The following ZDHHC14 variants were observed in gnomAD, a reference collection of about 807,000 sequenced individuals.
The protein encoded by ZDHHC14 is zDHHC palmitoyltransferase 14.
A neutral mutation model predicts 47.7 loss-of-function variants in ZDHHC14; 16 were observed. That is an observed-to-expected ratio of 0.34 (90% CI 0.23 to 0.51). The LOEUF (loss-of-function observed/expected upper bound fraction) is 0.51, where lower values mean the gene tolerates loss of function less well. ZDHHC14 is among the 20% of genes least tolerant of loss of function. The pLI is 0.97. For missense variants in ZDHHC14, 515 were observed against 662.5 expected, an observed-to-expected ratio of 0.78 and a Z score of 2.44; for synonymous variants, 293 against 278.9, an observed-to-expected ratio of 1.05 and a Z score of -0.50.
intron 1 of ZDHHC14, among the ~76,000 whole-genome samples, chr6:157,412,087 C>A (rs1046923313): frequency 2.0e-5 from 3 of 151,382 alleles, no homozygotes; most frequent in African/African-American, 7.3e-5. Context: ...TACAGGCACC[C>A]ACCACCATGT....
chr6:157,519,565 A>G (rs1298735490), intron 1 of ZDHHC14, among the ~76,000 whole-genome samples: 1 of 152,152 alleles, frequency 6.6e-6, no homozygotes, highest in Non-Finnish European at 1.5e-5. Flanking sequence ...TTGCCTTTCC[A>G]TGGATTCTGG....
chr6:157,502,733 C>T lies in ZDHHC14; in HGVS notation c.246-39852C>T, dbSNP rs1780218513. Among the ~76,000 whole-genome samples the T allele has an allele frequency of 6.6e-6, 1 of 152,160 alleles. No homozygotes were observed. Reference sequence around the variant, plus strand: ...TTAGACAGGGTCTTGCTCTGTCACCCAGGCTGGAGTGCAGTGGCATGATCT... The same window carrying T: ...TTAGACAGGGTCTTGCTCTGTCACCTAGGCTGGAGTGCAGTGGCATGATCT... On this transcript the variant is annotated intron_variant, in intron 1 of 8. Coordinates refer to ENST00000359775, the MANE Select transcript of ZDHHC14 (RefSeq NM_024630.3). This position sits in a 1 kb window ranked among gnomAD's most constrained non-coding sequence, Gnocchi z 4.0.
At chr6:157,607,038 G>A (rs1306342601) in intron 3 of ZDHHC14, among the ~76,000 whole-genome samples, 1 of 90,162 alleles carries the variant, frequency 1.1e-5, no homozygotes, top group East Asian at 4.5e-4. Flanking sequence ...GATCTTACTA[G>A]TTAGCATATT....
intron 1 of ZDHHC14, among the ~76,000 whole-genome samples, chr6:157,477,553 G>A (rs946512607): frequency 1.1e-4 from 17 of 152,064 alleles, no homozygotes; most frequent in Non-Finnish European, 2.4e-4. Context: ...TCTATGTTTT[G>A]TTTTTCTTGG....
At chr6:157,437,161 A>G (rs1211238171) in intron 1 of ZDHHC14, among the ~76,000 whole-genome samples, 1 of 152,192 alleles carries the variant, frequency 6.6e-6, no homozygotes, top group Non-Finnish European at 1.5e-5. Context: ...GGGCTGGAGC[A>G]TGGGCTCTGC....
chr6:157,384,993 G>T (rs966814559), intron 1 of ZDHHC14, among the ~76,000 whole-genome samples: 2 of 152,128 alleles, frequency 1.3e-5, no homozygotes, highest in African/African-American at 4.8e-5. Flanking sequence ...TGTTCCCCAG[G>T]CTGGTCTTGA....
chr6:157,478,704 G>C (rs1779547937), intron 1 of ZDHHC14, among the ~76,000 whole-genome samples: 1 of 152,100 alleles, frequency 6.6e-6, no homozygotes, highest in Non-Finnish European at 1.5e-5. Context: ...TGTATTACTG[G>C]CTCCAAATAT....
intron 3 of ZDHHC14, among the ~76,000 whole-genome samples, chr6:157,595,881 A>G (rs1784108181): frequency 6.6e-6 from 1 of 152,184 alleles, no homozygotes; most frequent in Non-Finnish European, 1.5e-5. Context: ...GTGGTGGTCT[A>G]TGTATGGGAG....
At chr6:157,521,980 T>A (rs1254845275) in intron 1 of ZDHHC14, among the ~76,000 whole-genome samples, 1 of 152,110 alleles carries the variant, frequency 6.6e-6, no homozygotes, top group South Asian at 2.1e-4. Flanking sequence ...CGGTCTCTTA[T>A]CCAAATAAAC....
intron 3 of ZDHHC14, among the ~76,000 whole-genome samples, chr6:157,618,870 C>A (rs1055613123): frequency 2.6e-5 from 4 of 152,160 alleles, no homozygotes; most frequent in African/African-American, 9.7e-5. Flanking sequence ...TTTAAATTAT[C>A]CTCATTTCTA....
intron 3 of ZDHHC14, among the ~76,000 whole-genome samples, chr6:157,599,319 A>G (rs530722474): frequency 1.1e-3 from 166 of 152,344 alleles, no homozygotes; most frequent in African/African-American, 3.7e-3. Flanking sequence ...ATGTTGCAGG[A>G]GGCAAGTACC....
chr6:157,537,844 A>C (rs1436331340), intron 1 of ZDHHC14, among the ~76,000 whole-genome samples: 1 of 152,170 alleles, frequency 6.6e-6, no homozygotes, highest in Non-Finnish European at 1.5e-5. Context: ...TACTGTGCAC[A>C]GTGCTTCCTT....
intron 1 of ZDHHC14, among the ~76,000 whole-genome samples, chr6:157,437,330 T>A (rs1422712344): frequency 6.6e-6 from 1 of 152,250 alleles, no homozygotes; most frequent in South Asian, 2.1e-4. Flanking sequence ...AGGAGGCCAC[T>A]TTCCCTCCAG....
In ZDHHC14 at chr6:157,668,245, C is replaced by T. The variant is rs1387457023; in HGVS notation, c.1069-4479C>T. Among the ~76,000 whole-genome samples the T allele has an allele frequency of 2.0e-5, 3 of 152,130 alleles. No homozygotes were observed. In the East Asian group the frequency reaches 5.8e-4, roughly 29 times the overall value. On this transcript the variant is annotated intron_variant, in intron 8 of 8. Coordinates refer to ENST00000359775, the MANE Select transcript of ZDHHC14 (RefSeq NM_024630.3). ...CAGTCCCTCTATCAGGGGAAACACC[C>T]ATAGCTAGACTTAGATAGACAGTCA...
intron 1 of ZDHHC14, among the ~76,000 whole-genome samples, chr6:157,400,262 T>C (rs1374858427): frequency 4.6e-5 from 7 of 152,242 alleles, no homozygotes; most frequent in Admixed American, 3.9e-4. Flanking sequence ...GTGGTGACCC[T>C]CTCCCTGTGT....
Position 157,677,968 on chromosome 6 carries a change from G to A in ZDHHC14, c.*4846G>A, listed in dbSNP as rs926409315. The stretch of plus-strand genomic sequence containing the variant: ...AAAAAAAAAGCATTTTAAACTCTTA[G>A]TGAATTCAAAGCTCTAAATCCAAAC... On this transcript the variant is annotated 3_prime_UTR_variant, in exon 9 of 9. Transcript: ENST00000359775. The A allele has an allele frequency of 4.7e-5, 7 of 148,100 alleles. No homozygotes were observed. The highest frequency in any genetic ancestry group is 1.0e-4 in the Non-Finnish European group (7 of 67,540). The allele number at this position is 148,100 out of a possible 1,614,324, so 9.2% of individuals were successfully genotyped here.
chr6:157,549,931 G>T (rs1562475686), intron 2 of ZDHHC14, among the ~76,000 whole-genome samples: 1 of 152,198 alleles, frequency 6.6e-6, no homozygotes, highest in East Asian at 1.9e-4. Context: ...TGATTTTGAA[G>T]TTGGCGACAT....
chr6:157,566,907 G>A (rs1182801723), intron 2 of ZDHHC14, among the ~76,000 whole-genome samples: 2 of 149,914 alleles, frequency 1.3e-5, no homozygotes, highest in Admixed American at 6.6e-5. Flanking sequence ...CTGGAGTGCA[G>A]TGGTGTGATT....
rs1173873577 is a variant in ZDHHC14 at position 157,536,992 on chromosome 6, G to A, written c.246-5593G>A. Reference sequence around the variant, plus strand: ...CGCCACTACGCCCGGCTAATTTTTTGTATTTTTAGTAGAGACGGGGTTTCA... The same window carrying A: ...CGCCACTACGCCCGGCTAATTTTTTATATTTTTAGTAGAGACGGGGTTTCA... On this transcript the variant is annotated intron_variant, in intron 1 of 8. Transcript: ENST00000359775. Among the ~76,000 whole-genome samples the A allele has an allele frequency of 1.0e-4, 11 of 108,058 alleles. 3 individuals are homozygous for A. Among genetic ancestry groups the A allele is most frequent in the African/African-American group, 2.9e-4 (8 of 28,054 alleles). 70.9% of individuals were successfully genotyped at this position (108,058 alleles called of 152,430 possible). A position where few individuals can be genotyped will look rare whatever the true frequency, so the allele number is the denominator to read the frequency against.
Sources: allele counts gnomAD v4.1 joint callset (sites outside exome capture counted in the v4.1 genomes callset), GRCh38; gene constraint gnomAD v4.1.1; non-coding constraint Gnocchi (gnomAD v3.1); transcripts MANE v1.5; gene names NCBI Gene and HGNC (gene_info 2026-07-23, HGNC 2026-07-21).